Variants in DNAJC15 observed in about 807,000 individuals in gnomAD.
DNAJC15 encodes DnaJ heat shock protein family (Hsp40) member C15.
A neutral mutation model predicts 22.4 loss-of-function variants in DNAJC15; 27 were observed. That is an observed-to-expected ratio of 1.20 (90% CI 0.89 to 1.66). The LOEUF (loss-of-function observed/expected upper bound fraction) is 1.66, where lower values mean the gene tolerates loss of function less well. DNAJC15 is among the 40% of genes most tolerant of loss of function. DNAJC15 has a pLI of 0.00. For synonymous variants in DNAJC15, 79 were observed against 63.2 expected (o/e 1.25, Z -1.19); for missense variants, 208 against 187.1 (o/e 1.11, Z -0.65).
intron 1 of DNAJC15, among the ~76,000 whole-genome samples, chr13:43,054,828 T>C (rs1175245536): frequency 6.6e-6 from 1 of 152,136 alleles, no homozygotes; most frequent in Non-Finnish European, 1.5e-5. Flanking sequence ...CCTTCTAACA[T>C]AAAGTAGCTC....
At chr13:43,036,171 T>C (rs2040427942) in intron 1 of DNAJC15, among the ~76,000 whole-genome samples, 1 of 149,660 alleles carries the variant, frequency 6.7e-6, no homozygotes, top group Non-Finnish European at 1.5e-5. Flanking sequence ...TCTGTCTTTT[T>C]TTTTTTTTTT....
rs1349715898 is a variant in DNAJC15 at position 43,112,028 on chromosome 13, CT to C, written c.*4781del. Reference sequence around the variant, plus strand: ...TTTTTATAGGTGGAACCTAAGTGATCTGGATAATTGCCCACCAGCAAAATTG... The same window carrying C: ...TTTTTATAGGTGGAACCTAAGTGATCGGATAATTGCCCACCAGCAAAATTG... On this transcript the variant is annotated 3_prime_UTR_variant, in exon 6 of 6. Transcript: ENST00000379221. The C allele has an allele frequency of 6.6e-6, 1 of 152,212 alleles. No homozygotes were observed. Among genetic ancestry groups the C allele is most frequent in the Admixed American group, 6.5e-5 (1 of 15,288 alleles). 9.4% of individuals were successfully genotyped at this position (152,212 alleles called of 1,614,324 possible).
At chr13:43,079,524 G>A (rs1305458160) in intron 4 of DNAJC15, among the ~76,000 whole-genome samples, 1 of 152,070 alleles carries the variant, frequency 6.6e-6, no homozygotes, top group African/African-American at 2.4e-5. Flanking sequence ...TCTCTTCTTA[G>A]ATGAGATCTC....
intron 1 of DNAJC15, among the ~76,000 whole-genome samples, chr13:43,054,330 T>C (rs2040519458): frequency 6.6e-6 from 1 of 152,214 alleles, no homozygotes; most frequent in Admixed American, 6.5e-5. Flanking sequence ...TTTTTGCATC[T>C]ATGTTCATCA....
chr13:43,065,467 T>C (rs17064108), intron 1 of DNAJC15, among the ~76,000 whole-genome samples: 2,052 of 152,234 alleles, frequency 0.013, 44 homozygotes, highest in African/African-American at 0.044. Flanking sequence ...TATATGGAAA[T>C]TAAATGAAAA....
At position 43,108,065 on chromosome 13, in the gene DNAJC15, T is replaced by TGGTTC. The variant is rs2040806757; in HGVS notation, c.*817_*818insGGTTC. Reference sequence around the variant, plus strand: ...TCATGGATCATGAACCAAAGGAACTTATATGTAGAGGAAGGATAAATCACA... The same window carrying TGGTTC: ...TCATGGATCATGAACCAAAGGAACTTGGTTCATATGTAGAGGAAGGATAAATCACA... On this transcript the variant is annotated 3_prime_UTR_variant, in exon 6 of 6. Transcript: ENST00000379221. 1 of 152,602 alleles carries TGGTTC rather than the reference T, an allele frequency of 6.6e-6. No homozygotes were observed. Among genetic ancestry groups the TGGTTC allele is most frequent in the Non-Finnish European group, 1.5e-5 (1 of 68,024 alleles). The allele number at this position is 152,602 out of a possible 1,614,324, so 9.5% of individuals were successfully genotyped here.
intron 4 of DNAJC15, chr13:43,079,018 C>A (rs1187609866): frequency 5.9e-6 from 1 of 170,666 alleles, no homozygotes; most frequent in Non-Finnish European, 1.3e-5. Context: ...AATTTGATAT[C>A]ATATTGTTAA....
intron 1 of DNAJC15, among the ~76,000 whole-genome samples, chr13:43,034,028 C>CAAAAAAAAA (rs568856935): frequency 9.2e-6 from 1 of 108,684 alleles, no homozygotes; most frequent in Non-Finnish European, 2.0e-5. Context: ...AACTTCATCT[C>CAAAAAAAAA]AAAAAAAAAA....
chr13:43,060,405 A>G (rs532553828), intron 1 of DNAJC15, among the ~76,000 whole-genome samples: 14 of 152,226 alleles, frequency 9.2e-5, no homozygotes, highest in African/African-American at 3.1e-4. Flanking sequence ...CGAATAAAAG[A>G]AGGAGGAAAA....
Position 43,107,518 on chromosome 13 carries a change from C to A in DNAJC15, c.*270C>A, listed in dbSNP as rs993359421. On this transcript the variant is annotated 3_prime_UTR_variant, in exon 6 of 6. Transcript: ENST00000379221. ...TAAGATTTTTGTTATGTTCTGAATT[C>A]CCCCCTACACACACACACACACACA... is the stretch of plus-strand genomic sequence containing the variant. The A allele has an allele frequency of 2.0e-5, 3 of 151,022 alleles. No homozygotes were observed. Among genetic ancestry groups the A allele is most frequent in the Non-Finnish European group, 3.5e-5 (3 of 86,500 alleles). 9.4% of individuals were successfully genotyped at this position (151,022 alleles called of 1,614,324 possible).
At chr13:43,028,417 T>C (rs1018685404) in intron 1 of DNAJC15, among the ~76,000 whole-genome samples, 5 of 152,224 alleles carry the variant, frequency 3.3e-5, no homozygotes, top group African/African-American at 1.2e-4. Flanking sequence ...TAGTCTTTAT[T>C]GTTTCTCCTC....
At chr13:43,083,595 T>C (rs2040673924) in intron 4 of DNAJC15, among the ~76,000 whole-genome samples, 1 of 152,196 alleles carries the variant, frequency 6.6e-6, no homozygotes, top group Non-Finnish European at 1.5e-5. Flanking sequence ...AGGCAAGATG[T>C]GCCACAGAGC....
chr13:43,083,847 C>T (rs891357179), intron 4 of DNAJC15, among the ~76,000 whole-genome samples: 1 of 152,128 alleles, frequency 6.6e-6, no homozygotes, highest in African/African-American at 2.4e-5. Context: ...GTTTAGAATG[C>T]TGCTTCAAAG....
In DNAJC15 at chr13:43,109,049, C is replaced by T. The variant is rs1293633622; in HGVS notation, c.*1801C>T. 5 of 152,314 alleles carry T rather than the reference C, an allele frequency of 3.3e-5. No individual in the cohort carries two copies. In the East Asian group the frequency reaches 5.8e-4, roughly 18 times the overall value. The allele number at this position is 152,314 out of a possible 1,614,324, so 9.4% of individuals were successfully genotyped here. A position where few individuals can be genotyped will look rare whatever the true frequency, so the allele number is the denominator to read the frequency against. ...AGCTGAAGGCCAAGCTAAAATGTAT[C>T]CCTCTTTTTCTGGTACATGCAGCAA... On this transcript the variant is annotated 3_prime_UTR_variant, in exon 6 of 6. Transcript: ENST00000379221.
intron 5 of DNAJC15, among the ~76,000 whole-genome samples, chr13:43,090,298 G>C (rs906013356): frequency 1.3e-5 from 2 of 152,232 alleles, no homozygotes; most frequent in Non-Finnish European, 2.9e-5. Context: ...TGAGCATGGT[G>C]TGATGAGTTG....
At chr13:43,033,524 C>T (rs2040413415) in intron 1 of DNAJC15, among the ~76,000 whole-genome samples, 1 of 152,162 alleles carries the variant, frequency 6.6e-6, no homozygotes, top group African/African-American at 2.4e-5. Context: ...AAGATCCCAA[C>T]CAGGTACCAC....
intron 1 of DNAJC15, among the ~76,000 whole-genome samples, chr13:43,033,134 C>T (rs1340863425): frequency 1.4e-4 from 22 of 152,176 alleles, no homozygotes; most frequent in Admixed American, 1.4e-3. Context: ...GCCGCCATGA[C>T]CCAATCACCT....
intron 1 of DNAJC15, among the ~76,000 whole-genome samples, chr13:43,050,213 C>T (rs1011053006): frequency 6.6e-6 from 1 of 152,174 alleles, no homozygotes; most frequent in African/African-American, 2.4e-5. Flanking sequence ...AGCCACTCTG[C>T]CCGGCCAGTT....
intron 5 of DNAJC15, among the ~76,000 whole-genome samples, chr13:43,089,972 A>G (rs181681588): frequency 1.6e-4 from 25 of 152,372 alleles, no homozygotes; most frequent in African/African-American, 6.0e-4. Flanking sequence ...AGGCAGTGAC[A>G]CCAGTCTATC....
Sources: allele counts gnomAD v4.1 joint callset (sites outside exome capture counted in the v4.1 genomes callset), GRCh38; gene constraint gnomAD v4.1.1; transcripts MANE v1.5; gene names NCBI Gene and HGNC (gene_info 2026-07-23, HGNC 2026-07-21).